CDC42SE1: variants seen among roughly 807,000 people sequenced by gnomAD.
The protein encoded by CDC42SE1 is CDC42 small effector 1, also known as CDC42 small effector protein 1.
In CDC42SE1, 10 loss-of-function variants were observed where a neutral mutation model predicts 10.9. The observed-to-expected ratio is 0.92, with a 90% confidence interval of 0.57 to 1.56. The LOEUF (loss-of-function observed/expected upper bound fraction) is 1.56. Among genes scored for constraint, CDC42SE1 ranks in the 40% most tolerant of loss-of-function variants. CDC42SE1 has a pLI of 0.00. For synonymous variants in CDC42SE1, 24 were observed against 32.0 expected (o/e 0.75, Z 0.85); for missense variants, 81 against 100.8 (o/e 0.80, Z 0.84).
chr1:151,055,610 G>GT, intron 2 of CDC42SE1, 67 bp downstream of exon 2: 15 of 1,305,748 alleles, frequency 1.1e-5, no homozygotes, highest in Non-Finnish European at 1.5e-5. Context: ...CCTAGATGGT[G>GT]TGGCTACCTC....
rs1191560670 is a variant in CDC42SE1 at position 151,057,743 on chromosome 1, GT to G, written c.-264+1735del. On this transcript the variant is annotated intron_variant, in intron 1 of 4. Coordinates refer to ENST00000357235, the MANE Select transcript of CDC42SE1 (RefSeq NM_020239.4). The surrounding 1 kb of genome is among the most constrained non-coding windows in gnomAD (Gnocchi z 4.0). ...CACACACACACACACACACACAGAGGTTTTTTTTTTTTTTAACAGCCTTGAG... is the reference window on the plus strand; with the variant it reads ...CACACACACACACACACACACAGAGGTTTTTTTTTTTTTAACAGCCTTGAG... 390 of 126,112 alleles carry G rather than the reference GT, an allele frequency of 3.1e-3. 3 individuals carry two copies. Among genetic ancestry groups the G allele is most frequent in the African/African-American group, 7.6e-3 (256 of 33,616 alleles). 7.8% of individuals were successfully genotyped at this position (126,112 alleles called of 1,614,324 possible).
Position 151,052,018 on chromosome 1 carries a change from G to A in CDC42SE1, c.*1326C>T, listed in dbSNP as rs1676192187. The A allele has an allele frequency of 6.6e-6, 1 of 152,226 alleles. No individual in the cohort carries two copies. Among genetic ancestry groups the A allele is most frequent in the African/African-American group, 2.4e-5 (1 of 41,436 alleles). 9.4% of individuals were successfully genotyped at this position (152,226 alleles called of 1,614,324 possible). A position where few individuals can be genotyped will look rare whatever the true frequency, so the allele number is the denominator to read the frequency against. On this transcript the variant is annotated 3_prime_UTR_variant, in exon 5 of 5. Transcript: ENST00000357235. ...GCCCTACTGAGCCTCATTTATATGGGCTCCTAGTTGATCCATGGCTCGGGC... is the reference window on the plus strand; with the variant it reads ...GCCCTACTGAGCCTCATTTATATGGACTCCTAGTTGATCCATGGCTCGGGC...
chr1:151,055,071 A>T lies in CDC42SE1; in HGVS notation c.110T>A (p.Val37Asp). 1 of 1,613,898 alleles carries T rather than the reference A, an allele frequency of 6.2e-7. No homozygotes were observed. Among genetic ancestry groups the T allele is most frequent in the Non-Finnish European group, 8.5e-7 (1 of 1,179,982 alleles). ...CCCTGAGCCAATGTGAGTCAGGTGA[A>T]CAAAATTCATTGGTTCCCCAATCAT... ...RTMIGEPMNF[V>D]HLTHIGSGEM... The change falls in exon 3 of 5, where the codon GTT (valine) becomes GAT (aspartate). Residue 37 changes from valine (V) to aspartate (D), a missense_variant. Coordinates refer to ENST00000357235, the MANE Select transcript of CDC42SE1 (RefSeq NM_020239.4).
rs1282233215 is a variant in CDC42SE1, at chr1:151,055,808, C to G, written c.-78G>C. ...TTCCCTGGTGTTTGGACAACCCACT[C>G]CTCACTCTCCCCAGATACACCACCA... On this transcript the variant is annotated 5_prime_UTR_variant, in exon 2 of 5. Coordinates refer to ENST00000357235, the MANE Select transcript of CDC42SE1 (RefSeq NM_020239.4). 1.7e-6 allele frequency: 2 copies of G among 1,188,762 alleles called. No homozygotes were observed. Among genetic ancestry groups the G allele is most frequent in the African/African-American group, 3.0e-5 (2 of 66,098 alleles). 73.6% of individuals were successfully genotyped at this position (1,188,762 alleles called of 1,614,324 possible).
intron 1 of CDC42SE1, among the ~76,000 whole-genome samples, chr1:151,056,242 G>A (rs1286652260): frequency 6.6e-6 from 1 of 152,184 alleles, no homozygotes; most frequent in Non-Finnish European, 1.5e-5. Flanking sequence ...GGGGCTAGAA[G>A]CACTTAGAGT....
In CDC42SE1 at chr1:151,055,964, C is replaced by A; in HGVS notation, c.-234G>T. 2 of 572,276 alleles carry A rather than the reference C, an allele frequency of 3.5e-6. No homozygotes were observed. Among genetic ancestry groups the A allele is most frequent in the Non-Finnish European group, 6.3e-6 (2 of 319,026 alleles). 35.4% of individuals were successfully genotyped at this position (572,276 alleles called of 1,614,324 possible). The stretch of plus-strand genomic sequence containing the variant: ...AGAGAGAGAGGTGGGCAGGCAGGCA[C>A]AAGGTTATGTCTTCCTCAGACTCGG... On this transcript the variant is annotated 5_prime_UTR_variant, in exon 2 of 5. Transcript: ENST00000357235.
intron 4 of CDC42SE1, among the ~76,000 whole-genome samples, chr1:151,053,636 C>T (rs892488151): frequency 2.6e-5 from 4 of 152,120 alleles, no homozygotes; most frequent in Non-Finnish European, 1.5e-5. Context: ...CGTGTGCCAT[C>T]ATGCCTGGCT....
In CDC42SE1 at chr1:151,057,665, G is replaced by A. The variant is rs1482186693; in HGVS notation, c.-263-1672C>T. 1 of 151,478 alleles carries A rather than the reference G, an allele frequency of 6.6e-6. No homozygotes were observed. The highest frequency in any genetic ancestry group is 1.9e-4 in the East Asian group (1 of 5,166). The allele number at this position is 151,478 out of a possible 1,614,324, so 9.4% of individuals were successfully genotyped here. On this transcript the variant is annotated intron_variant, in intron 1 of 4. Coordinates refer to ENST00000357235, the MANE Select transcript of CDC42SE1 (RefSeq NM_020239.4). This position sits in a 1 kb window ranked among gnomAD's most constrained non-coding sequence, Gnocchi z 4.0. ...TTTGCACCCCTGCACTCCAGCCTGGGTGACAGGACAAGACCCTGTCTCAAA... is the reference window on the plus strand; with the variant it reads ...TTTGCACCCCTGCACTCCAGCCTGGATGACAGGACAAGACCCTGTCTCAAA...
rs1676265970 is a variant in CDC42SE1 at position 151,055,696 on chromosome 1, A to C, written c.35T>G (p.Val12Gly). The C allele has an allele frequency of 1.9e-6, 3 of 1,613,508 alleles. No individual in the cohort carries two copies. The highest frequency in any genetic ancestry group is 1.6e-4 in the Middle Eastern group (1 of 6,062). ...ACTCACCGGCTGGGGTTTCTCTACC[A>C]CACAGCAGCCCAGTTTGTGCCAAAA... Reference protein sequence around the residue: ...SEFWHKLGCCVVEKPQPKKKR... With the variant: ...SEFWHKLGCCGVEKPQPKKKR... The change falls in exon 2 of 5, where the codon GTG becomes GGG. Residue 12 changes from valine to glycine, a missense_variant. By Grantham distance (109) the Val-to-Gly change is moderately radical. Coordinates refer to ENST00000357235, the MANE Select transcript of CDC42SE1 (RefSeq NM_020239.4).
chr1:151,055,187 G>A, intron 2 of CDC42SE1, 61 bp from the exon 3 acceptor site: 1 of 1,253,664 alleles, frequency 8.0e-7, no homozygotes, highest in Non-Finnish European at 1.2e-6. Flanking sequence ...CACGGAGGAA[G>A]GGAAAAGAGT....
At position 151,057,932 on chromosome 1, in the gene CDC42SE1, G is replaced by A. The variant is rs1453282424; in HGVS notation, c.-264+1547C>T. ...GGGAGCTGTGGTCAGTGGGACGTCA[G>A]TGAGTCAGTCATAGGGTTTGTCCTG... On this transcript the variant is annotated intron_variant, in intron 1 of 4. Coordinates refer to ENST00000357235, the MANE Select transcript of CDC42SE1 (RefSeq NM_020239.4). The surrounding 1 kb of genome is among the most constrained non-coding windows in gnomAD (Gnocchi z 4.0). The A allele has an allele frequency of 6.6e-6, 1 of 152,438 alleles. No individual in the cohort carries two copies. Among genetic ancestry groups the A allele is most frequent in the Non-Finnish European group, 1.5e-5 (1 of 68,124 alleles). The allele number at this position is 152,438 out of a possible 1,614,324, so 9.4% of individuals were successfully genotyped here.
intron 1 of CDC42SE1, chr1:151,058,664 AC>A (rs1181091557): frequency 3.3e-5 from 5 of 152,014 alleles, no homozygotes; most frequent in Admixed American, 6.6e-5. Flanking sequence ...CGGGAAAGCC[AC>A]CCCCCGCCCC....
rs1676172106 is a variant in CDC42SE1, at chr1:151,051,272, T to C, written c.*2072A>G. ...TAGTATAACACTCAGGCTACTGAGGTATTTTAGAGCAACAAGCTGGGTTAC... is the reference window on the plus strand; with the variant it reads ...TAGTATAACACTCAGGCTACTGAGGCATTTTAGAGCAACAAGCTGGGTTAC... On this transcript the variant is annotated 3_prime_UTR_variant, in exon 5 of 5. Coordinates refer to ENST00000357235, the MANE Select transcript of CDC42SE1 (RefSeq NM_020239.4). The C allele has an allele frequency of 1.3e-5, 2 of 151,638 alleles. No individual in the cohort carries two copies. The highest frequency in any genetic ancestry group is 4.8e-5 in the African/African-American group (2 of 41,248). 9.4% of individuals were successfully genotyped at this position (151,638 alleles called of 1,614,324 possible). A position where few individuals can be genotyped will look rare whatever the true frequency, so the allele number is the denominator to read the frequency against.
Position 151,054,212 on chromosome 1 carries a change from G to C in CDC42SE1, c.*16+19C>G, listed in dbSNP as rs1676238500. On this transcript the variant is annotated intron_variant, in intron 4 of 4. Transcript: ENST00000357235. ...GTTATGGGGGCTGAGGTGTTAGATG[G>C]GTTTCTCTAATCACTCACCATTCCA... 1 of 1,478,120 alleles carries C rather than the reference G, an allele frequency of 6.8e-7. No homozygotes were observed. Among genetic ancestry groups the C allele is most frequent in the Non-Finnish European group, 9.5e-7 (1 of 1,056,886 alleles). 91.6% of individuals were successfully genotyped at this position (1,478,120 alleles called of 1,614,324 possible).
At chr1:151,058,968 T>C (rs1247406313) in intron 1 of CDC42SE1, 1 of 151,342 alleles carries the variant, frequency 6.6e-6, no homozygotes, top group Non-Finnish European at 1.5e-5. Flanking sequence ...CCCCGAGACA[T>C]GGAGGGCTGC....
chr1:151,054,985 CT>C (rs1244603868), intron 3 of CDC42SE1, 30 bp downstream of exon 3: 3 of 1,474,722 alleles, frequency 2.0e-6, no homozygotes, highest in Admixed American at 1.7e-5. Context: ...GACCTCACCC[CT>C]GTATCAACCT....
At chr1:151,053,667 A>C (rs1338681784) in intron 4 of CDC42SE1, among the ~76,000 whole-genome samples, 1 of 152,092 alleles carries the variant, frequency 6.6e-6, no homozygotes, top group Non-Finnish European at 1.5e-5. Flanking sequence ...CTTTTAGTAG[A>C]GACAGGGGTT....
At position 151,057,489 on chromosome 1, in the gene CDC42SE1, G is replaced by A. The variant is rs1411538792; in HGVS notation, c.-263-1496C>T. Among the ~76,000 whole-genome samples, 2 of 151,926 alleles carry A rather than the reference G, an allele frequency of 1.3e-5. No homozygotes were observed. The highest frequency in any genetic ancestry group is 3.9e-4 in the East Asian group (2 of 5,192). ...GAGATCGCCACTGCACTCCAGCCTG[G>A]GCAACAAGAGCGAAACTCCGCCTCA... On this transcript the variant is annotated intron_variant, in intron 1 of 4. Transcript: ENST00000357235. The surrounding 1 kb of genome is among the most constrained non-coding windows in gnomAD (Gnocchi z 4.0).
In CDC42SE1 at chr1:151,052,748, C is replaced by G. The variant is rs181442416; in HGVS notation, c.*596G>C. 2 of 152,292 alleles carry G rather than the reference C, an allele frequency of 1.3e-5. No homozygotes were observed. The highest frequency in any genetic ancestry group is 6.5e-5 in the Admixed American group (1 of 15,300). The allele number at this position is 152,292 out of a possible 1,614,324, so 9.4% of individuals were successfully genotyped here. ...CAGAAACAGAAGATTAGAGGCCTAACTAGAAAGAGACACTGGTGTTAGCAG... is the reference window on the plus strand; with the variant it reads ...CAGAAACAGAAGATTAGAGGCCTAAGTAGAAAGAGACACTGGTGTTAGCAG... On this transcript the variant is annotated 3_prime_UTR_variant, in exon 5 of 5. Coordinates refer to ENST00000357235, the MANE Select transcript of CDC42SE1 (RefSeq NM_020239.4).
Sources: allele counts gnomAD v4.1 joint callset (sites outside exome capture counted in the v4.1 genomes callset), GRCh38; gene constraint gnomAD v4.1.1; non-coding constraint Gnocchi (gnomAD v3.1); transcripts MANE v1.5; gene names NCBI Gene and HGNC (gene_info 2026-07-23, HGNC 2026-07-21).